Variants in GOLGA3 observed in about 807,000 individuals in gnomAD.
GOLGA3 encodes golgin subfamily A member 3.
A neutral mutation model predicts 169.4 loss-of-function variants in GOLGA3; 75 were observed. That is an observed-to-expected ratio of 0.44 (90% confidence interval 0.37 to 0.54). GOLGA3 has a LOEUF of 0.54. Among genes scored for constraint, GOLGA3 ranks in the 20% least tolerant of loss-of-function variants. The pLI is 0.00. For synonymous variants in GOLGA3, 824 were observed against 822.4 expected, an observed-to-expected ratio of 1.00 and a Z score of -0.03; for missense variants, 1,899 against 1,930.0, an observed-to-expected ratio of 0.98 and a Z score of 0.30.
rs1459423083 is a variant in GOLGA3, at chr12:132,773,305, A to G, written c.4308-11T>C. ...CTGTCCATCTCCTGCCTGGGACAGA[A>G]GAAGGAGGAAGAAGGCCCAGATCAC... On this transcript the variant is annotated splice_polypyrimidine_tract_variant and intron_variant, in intron 23 of 23. Transcript: ENST00000450791. 7.3e-7 allele frequency: 1 copy of G among 1,366,468 alleles called. No homozygotes were observed. The highest frequency in any genetic ancestry group is 1.6e-5 in the South Asian group (1 of 63,322). The allele number at this position is 1,366,468 out of a possible 1,614,324, so 84.6% of individuals were successfully genotyped here.
chr12:132,812,492 G>A (rs1172689721), intron 4 of GOLGA3, among the ~76,000 whole-genome samples: 1 of 152,136 alleles, frequency 6.6e-6, no homozygotes, highest in African/African-American at 2.4e-5. Flanking sequence ...CACCATTCTA[G>A]ATGCCATTAA....
chr12:132,815,943 A>G (rs1949937496), intron 3 of GOLGA3, among the ~76,000 whole-genome samples: 1 of 152,272 alleles, frequency 6.6e-6, no homozygotes, highest in African/African-American at 2.4e-5. Context: ...TCACGCCTGT[A>G]ATCCCAACAC....
intron 1 of GOLGA3, among the ~76,000 whole-genome samples, chr12:132,823,789 A>T (rs896558772): frequency 6.8e-6 from 1 of 147,108 alleles, no homozygotes; most frequent in Non-Finnish European, 1.5e-5. Flanking sequence ...ACTCCGTCTA[A>T]AAAAAAAAAA....
At position 132,772,564 on chromosome 12, in the gene GOLGA3, A is replaced by AAAC. The variant is rs2044957283; in HGVS notation, c.*540_*541insGTT. The AAAC allele has an allele frequency of 1.3e-5, 2 of 150,750 alleles. No individual in the cohort carries two copies. Among genetic ancestry groups the AAAC allele is most frequent in the African/African-American group, 4.9e-5 (2 of 40,894 alleles). 9.3% of individuals were successfully genotyped at this position (150,750 alleles called of 1,614,324 possible). Reference sequence around the variant, plus strand: ...GTCTCAAAAAAAAAAAAAAAAAAAAAACAAAGATTGGATTATGATATTCAG... The same window carrying AAAC: ...GTCTCAAAAAAAAAAAAAAAAAAAAAAACACAAAGATTGGATTATGATATTCAG... On this transcript the variant is annotated 3_prime_UTR_variant, in exon 24 of 24. Coordinates refer to ENST00000450791, the MANE Select transcript of GOLGA3 (RefSeq NM_001389683.1).
chr12:132,803,875 A>C (rs1949252205), intron 7 of GOLGA3, among the ~76,000 whole-genome samples: 1 of 151,786 alleles, frequency 6.6e-6, no homozygotes, highest in Admixed American at 6.6e-5. Flanking sequence ...CCCTGGGAGG[A>C]CTCTGGACCC....
At chr12:132,799,194 G>C (rs1173729800) in intron 8 of GOLGA3, among the ~76,000 whole-genome samples, 1 of 152,230 alleles carries the variant, frequency 6.6e-6, no homozygotes, top group Non-Finnish European at 1.5e-5. Flanking sequence ...AGGGAAGACA[G>C]CCTTTGCTGG....
intron 16 of GOLGA3, 113 bp downstream of exon 16, chr12:132,784,051 G>T: frequency 6.5e-7 from 1 of 1,544,708 alleles, no homozygotes; most frequent in East Asian, 2.4e-5. Flanking sequence ...ACCAAAAGTA[G>T]CAACGCTGGG....
chr12:132,794,652 A>C (rs1404617744), intron 11 of GOLGA3, among the ~76,000 whole-genome samples: 1 of 152,276 alleles, frequency 6.6e-6, no homozygotes, highest in Non-Finnish European at 1.5e-5. Flanking sequence ...TCTCTCTCGC[A>C]GTCTTCCAGG....
chr12:132,787,903 A>C, intron 13 of GOLGA3, among the ~76,000 whole-genome samples: 2 of 133,342 alleles, frequency 1.5e-5, no homozygotes, highest in Admixed American at 7.8e-5. Context: ...CTGAGACCCC[A>C]GGACCCTTCC....
rs1325628315 is a variant in GOLGA3 at position 132,772,274 on chromosome 12, G to A, written c.*831C>T. 1.3e-5 allele frequency: 2 copies of A among 152,098 alleles called. No homozygotes were observed. The highest frequency in any genetic ancestry group is 1.3e-4 in the Admixed American group (2 of 15,262). The allele number at this position is 152,098 out of a possible 1,614,324, so 9.4% of individuals were successfully genotyped here. ...AGACTGGGTGACAGGCCGGGCGCAG[G>A]GGCTCACGCCTGTAATCCCAGCACT... On this transcript the variant is annotated 3_prime_UTR_variant, in exon 24 of 24. Transcript: ENST00000450791.
At position 132,808,460 on chromosome 12, in the gene GOLGA3, G is replaced by T. The variant is rs1317048328; in HGVS notation, c.609C>A (p.Thr203=). Reference sequence around the variant, plus strand: ...AGGAATATTCTTTTGTCATAGCCAGGGTACTGGCCCTTGGTAAGTTTTCTG... The same window carrying T: ...AGGAATATTCTTTTGTCATAGCCAGTGTACTGGCCCTTGGTAAGTTTTCTG... ...LNPENLPRAS[T]LAMTKEYSFL... Residue 203 remains threonine, a synonymous_variant, in exon 5 of 24, where the codon ACC becomes ACA. Transcript: ENST00000450791. 2 of 1,613,722 alleles carry T rather than the reference G, an allele frequency of 1.2e-6. No homozygotes were observed. The highest frequency in any genetic ancestry group is 1.7e-6 in the Non-Finnish European group (2 of 1,179,650).
Position 132,784,305 on chromosome 12 carries a change from T to G in GOLGA3, c.3126A>C (p.Glu1042Asp). The G allele has an allele frequency of 6.2e-7, 1 of 1,606,258 alleles. No homozygotes were observed. The change falls in exon 16 of 24, where the codon GAA becomes GAC. Residue 1042 changes from glutamate to aspartate, a missense_variant and splice_region_variant. Transcript: ENST00000450791. ...GSSDSSLALH[E>D]RIQALEAELQ... ...GCTCCGCCTCCAGGGCCTGGATCCT[T>G]TCCTAAGGGCCAAGATGGAACGGGC... is the stretch of plus-strand genomic sequence containing the variant.
chr12:132,791,412 CTCCAGGAGGGGACACATCCTCACA>C, intron 11 of GOLGA3, 119 bp from the exon 12 acceptor site: 1 of 600,748 alleles, frequency 1.7e-6, no homozygotes, highest in South Asian at 2.1e-5. Flanking sequence ...TTACAGAGAG[CTCCAGGAGGGGACACATCCTCACA>C]GATGTTACAC....
intron 8 of GOLGA3, among the ~76,000 whole-genome samples, chr12:132,800,513 C>T (rs961716272): frequency 6.6e-6 from 1 of 151,670 alleles, no homozygotes; most frequent in African/African-American, 2.4e-5. Flanking sequence ...AAAAAAGTAA[C>T]GAAAATTGAA....
At chr12:132,816,866 GC>G in intron 2 of GOLGA3, 54 bp from the exon 3 acceptor site, 1 of 1,475,176 alleles carries the variant, frequency 6.8e-7, no homozygotes, top group Non-Finnish European at 9.1e-7. Flanking sequence ...AGGTGACGTC[GC>G]TTTTCAGACA....
Position 132,798,101 on chromosome 12 carries a change from TG to T in GOLGA3, c.1938+238del, listed in dbSNP as rs375889974. 4.1e-5 allele frequency among the ~76,000 whole-genome samples: 5 copies of T among 123,096 alleles called. No individual in the cohort carries two copies. The Admixed American group carries it at 4.4e-4, about 11-fold the overall frequency. The allele number at this position is 123,096 out of a possible 152,430, so 80.8% of individuals were successfully genotyped here. A position where few individuals can be genotyped will look rare whatever the true frequency, so the allele number is the denominator to read the frequency against. The stretch of plus-strand genomic sequence containing the variant: ...AGCCCCCACAGGTGAGGATGAGGGG[TG>T]GGGGGGGTCCCAAAGCCTTAACGAG... On this transcript the variant is annotated intron_variant, in intron 9 of 23. Coordinates refer to ENST00000450791, the MANE Select transcript of GOLGA3 (RefSeq NM_001389683.1).
chr12:132,788,386 C>T (rs112481038), intron 13 of GOLGA3, among the ~76,000 whole-genome samples: 1 of 152,202 alleles, frequency 6.6e-6, no homozygotes, highest in African/African-American at 2.4e-5. Flanking sequence ...CCTGATTTCT[C>T]GTCTCACCTC....
chr12:132,808,344 T>G lies in GOLGA3; in HGVS notation c.725A>C (p.Lys242Thr). 6.2e-7 allele frequency: 1 copy of G among 1,614,088 alleles called. No individual in the cohort carries two copies. The highest frequency in any genetic ancestry group is 1.6e-4 in the Middle Eastern group (1 of 6,062). ...TCTGTAATCGGCCAGAGACCGGATTTTGCTTGATTTGGAAGTTTTTTTCTC... is the reference window on the plus strand; with the variant it reads ...TCTGTAATCGGCCAGAGACCGGATTGTGCTTGATTTGGAAGTTTTTTTCTC... The part of the protein sequence containing the change: ...PREKKTSKSS[K>T]IRSLADYRTE... Residue 242 changes from lysine (K) to threonine (T), a missense_variant, in exon 5 of 24, where the codon AAA (lysine) becomes ACA (threonine). Coordinates refer to ENST00000450791, the MANE Select transcript of GOLGA3 (RefSeq NM_001389683.1).
chr12:132,827,412 G>C (rs1322986010), intron 1 of GOLGA3, among the ~76,000 whole-genome samples: 1 of 152,184 alleles, frequency 6.6e-6, no homozygotes, highest in South Asian at 2.1e-4. Flanking sequence ...CTGGGCTAAA[G>C]ATTTCTTAAT....
Sources: gnomAD v4.1 joint callset for allele counts (sites outside exome capture counted in the v4.1 genomes callset) on GRCh38, gnomAD v4.1.1 for gene constraint, MANE v1.5 for transcripts, NCBI Gene and HGNC (gene_info 2026-07-23, HGNC 2026-07-21) for gene names.